The following NRXN1 variants were observed in gnomAD, a reference collection of about 807,000 sequenced individuals.
The protein encoded by NRXN1 is neurexin-1.
In NRXN1, 39 loss-of-function variants were observed where a neutral mutation model predicts 150.9. The observed-to-expected ratio is 0.26, with a 90% CI of 0.20 to 0.34. The LOEUF (loss-of-function observed/expected upper bound fraction) is 0.34. NRXN1 is among the 10% of genes least tolerant of loss of function. The pLI is 1.00. For missense variants in NRXN1, 1,815 were observed against 1,949.9 expected (o/e 0.93, Z 1.30); for synonymous variants, 924 against 757.0 (o/e 1.22, Z -3.62).
chr2:50,828,480 T>C (rs1304612989), intron 5 of NRXN1, among the ~76,000 whole-genome samples: 24 of 135,756 alleles, frequency 1.8e-4, no homozygotes, highest in African/African-American at 6.6e-4. Context: ...GACGGGGCGG[T>C]TGCCAGGCGG....
At chr2:49,964,149 C>T (rs774942078) in intron 21 of NRXN1, among the ~76,000 whole-genome samples, 1 of 152,216 alleles carries the variant, frequency 6.6e-6, no homozygotes, top group Non-Finnish European at 1.5e-5. Context: ...ACATTAAAAG[C>T]TACACTTCTA....
In NRXN1 at chr2:50,522,720, A is replaced by ATTTTTTTTTTTTTTTT. The variant is rs869200431; in HGVS notation, c.2374+5889_2374+5904dup. Among the ~76,000 whole-genome samples, 3 of 47,726 alleles carry ATTTTTTTTTTTTTTTT rather than the reference A, an allele frequency of 6.3e-5. 1 individual carries two copies. The highest frequency in any genetic ancestry group is 5.3e-5 in the Non-Finnish European group (1 of 18,784). The allele number at this position is 47,726 out of a possible 152,430, so 31.3% of individuals were successfully genotyped here. ...TCCATTTATTCATTTATTTTTATTC[A>ATTTTTTTTTTTTTTTT]TTTTTTTTTTTTTTTTTTTTTTTTT... On this transcript the variant is annotated intron_variant, in intron 12 of 22. Coordinates refer to ENST00000401669, the MANE Select transcript of NRXN1 (RefSeq NM_001330078.2).
chr2:50,172,819 T>C (rs2060111775), intron 18 of NRXN1, among the ~76,000 whole-genome samples: 1 of 151,984 alleles, frequency 6.6e-6, no homozygotes, highest in Non-Finnish European at 1.5e-5. Flanking sequence ...ATACAAAAAT[T>C]AGCCAGGCGT....
intron 17 of NRXN1, among the ~76,000 whole-genome samples, chr2:50,402,551 T>C (rs1226102269): frequency 6.6e-6 from 1 of 152,132 alleles, no homozygotes; most frequent in African/African-American, 2.4e-5. Context: ...TGTCCCCTGC[T>C]GGTCGATTAC....
intron 21 of NRXN1, among the ~76,000 whole-genome samples, chr2:49,984,740 C>T (rs896881425): frequency 2.6e-5 from 4 of 151,922 alleles, no homozygotes; most frequent in Non-Finnish European, 5.9e-5. Context: ...CACACACACA[C>T]ACACACACGA....
At chr2:50,589,342 A>C (rs1339291367) in intron 8 of NRXN1, 2 of 152,228 alleles carry the variant, frequency 1.3e-5, no homozygotes, top group Non-Finnish European at 2.9e-5. Context: ...CAGGGAGAAA[A>C]TGGTCAGGTC....
chr2:50,903,337 A>G (rs890073107), intron 5 of NRXN1, among the ~76,000 whole-genome samples: 1 of 152,144 alleles, frequency 6.6e-6, no homozygotes, highest in African/African-American at 2.4e-5. Flanking sequence ...AATCTAAACC[A>G]TACTGAAGCT....
chr2:50,354,857 G>C (rs2078684084), intron 17 of NRXN1, among the ~76,000 whole-genome samples: 2 of 152,088 alleles, frequency 1.3e-5, no homozygotes, highest in African/African-American at 4.8e-5. Context: ...CCTGGGATCT[G>C]TGTGCCTGAA....
intron 5 of NRXN1, among the ~76,000 whole-genome samples, chr2:50,781,829 G>C (rs1286861594): frequency 6.6e-6 from 1 of 152,166 alleles, no homozygotes; most frequent in Non-Finnish European, 1.5e-5. Context: ...ATCTGGCTCT[G>C]TGTGCTGGTT....
intron 17 of NRXN1, among the ~76,000 whole-genome samples, chr2:50,345,586 C>T (rs1346558497): frequency 2.0e-5 from 3 of 152,234 alleles, no homozygotes; most frequent in Non-Finnish European, 2.9e-5. Flanking sequence ...GAGTGGGGAA[C>T]GACTCACAAA....
intron 21 of NRXN1, among the ~76,000 whole-genome samples, chr2:49,998,142 G>A (rs1683294916): frequency 6.6e-6 from 1 of 152,086 alleles, no homozygotes. Flanking sequence ...AACCATAGAG[G>A]TCAAAAATAT....
intron 5 of NRXN1, among the ~76,000 whole-genome samples, chr2:50,740,291 C>T (rs1261208149): frequency 6.6e-6 from 1 of 152,102 alleles, no homozygotes; most frequent in Non-Finnish European, 1.5e-5. Flanking sequence ...TGGAGGAAAA[C>T]TGCTGGGGAA....
chr2:50,543,917 G>A (rs1420216248), intron 9 of NRXN1, among the ~76,000 whole-genome samples: 2 of 152,052 alleles, frequency 1.3e-5, no homozygotes, highest in Non-Finnish European at 2.9e-5. Context: ...TTTTCCTGGT[G>A]AGAAAATCCG....
chr2:50,468,855 A>T (rs1308341674), intron 16 of NRXN1, among the ~76,000 whole-genome samples: 2 of 151,590 alleles, frequency 1.3e-5, no homozygotes, highest in Non-Finnish European at 3.0e-5. Flanking sequence ...ACATATTCCC[A>T]CCAGTGTTTA....
chr2:50,109,013 G>T (rs1259551955), intron 18 of NRXN1, among the ~76,000 whole-genome samples: 1 of 152,026 alleles, frequency 6.6e-6, no homozygotes, highest in Non-Finnish European at 1.5e-5. Context: ...ATTCTCATAA[G>T]GAGTGGCAAA....
intron 5 of NRXN1, among the ~76,000 whole-genome samples, chr2:50,876,009 A>G (rs1361556402): frequency 6.6e-6 from 1 of 151,820 alleles, no homozygotes; most frequent in Non-Finnish European, 1.5e-5. Flanking sequence ...ACTGACTCAC[A>G]TAAGCCTCAC....
chr2:50,538,923 A>G (rs1288055868), intron 9 of NRXN1, among the ~76,000 whole-genome samples: 1 of 152,200 alleles, frequency 6.6e-6, no homozygotes, highest in East Asian at 1.9e-4. Flanking sequence ...CAGTCAATGC[A>G]TGTATACATA....
At position 50,552,854 on chromosome 2, in the gene NRXN1, C is replaced by T; in HGVS notation, c.1492G>A (p.Ala498Thr). The change falls in exon 9 of 23, where the codon GCA (alanine) becomes ACA (threonine). Residue 498 changes from alanine to threonine, a missense_variant. By Grantham distance (58) the Ala-to-Thr change is moderately conservative. Coordinates refer to ENST00000401669, the MANE Select transcript of NRXN1 (RefSeq NM_001330078.2). ...AATGATATGGAGCCAGTTTTCTTTGCATTCCATTTAGGCAAAGAGATGAAA... is the reference window on the plus strand; with the variant it reads ...AATGATATGGAGCCAGTTTTCTTTGTATTCCATTTAGGCAAAGAGATGAAA... The part of the protein sequence containing the change: ...ESFISLPKWN[A>T]KKTGSISFDF... The T allele has an allele frequency of 1.2e-6, 2 of 1,613,956 alleles. No homozygotes were observed. Among genetic ancestry groups the T allele is most frequent in the Non-Finnish European group, 1.7e-6 (2 of 1,179,878 alleles).
At chr2:50,822,820 G>T (rs1012273492) in intron 5 of NRXN1, among the ~76,000 whole-genome samples, 8 of 152,094 alleles carry the variant, frequency 5.3e-5, no homozygotes, top group African/African-American at 1.9e-4. Context: ...TGTCAATCCA[G>T]CTTAAGCCCC....
Sources: gnomAD v4.1 joint callset for allele counts (sites outside exome capture counted in the v4.1 genomes callset) on GRCh38, gnomAD v4.1.1 for gene constraint, MANE v1.5 for transcripts, NCBI Gene and HGNC (gene_info 2026-07-23, HGNC 2026-07-21) for gene names.